The following CACNA1D variants were observed in gnomAD, a reference collection of about 807,000 sequenced individuals.
CACNA1D encodes calcium voltage-gated channel subunit alpha1 D, also known as voltage-dependent L-type calcium channel subunit alpha-1D.
CACNA1D carries 55 observed loss-of-function variants against 257.1 expected under a neutral mutation model. That is an observed-to-expected ratio of 0.21 (90% CI 0.17 to 0.27). CACNA1D has a LOEUF of 0.27. Ranked by LOEUF, CACNA1D falls within the 10% of genes least tolerant of loss-of-function variation. The pLI, the probability that CACNA1D is intolerant of heterozygous loss-of-function variation, is 1.00. For synonymous variants in CACNA1D, 980 were observed against 1,014.9 expected, an observed-to-expected ratio of 0.97 and a Z score of 0.65; for missense variants, 1,876 against 2,784.0, an observed-to-expected ratio of 0.67 and a Z score of 7.34.
intron 3 of CACNA1D, among the ~76,000 whole-genome samples, chr3:53,628,530 A>G (rs2093785738): frequency 6.6e-6 from 1 of 152,208 alleles, no homozygotes; most frequent in Non-Finnish European, 1.5e-5. Context: ...TGGGTTTTTT[A>G]TAGTCTTGTA....
intron 4 of CACNA1D, among the ~76,000 whole-genome samples, chr3:53,659,365 G>C (rs1361305208): frequency 1.3e-5 from 2 of 152,178 alleles, no homozygotes; most frequent in Non-Finnish European, 2.9e-5. Context: ...TAGTATCTGT[G>C]ATTTACATCC....
At chr3:53,784,169 G>A (rs2095440836) in intron 39 of CACNA1D, among the ~76,000 whole-genome samples, 1 of 152,192 alleles carries the variant, frequency 6.6e-6, no homozygotes, top group African/African-American at 2.4e-5. Flanking sequence ...CATCAGTGCT[G>A]AGCCGCCTCA....
intron 3 of CACNA1D, among the ~76,000 whole-genome samples, chr3:53,502,657 A>G (rs2090656912): frequency 6.6e-6 from 1 of 152,054 alleles, no homozygotes; most frequent in Admixed American, 6.5e-5. Flanking sequence ...ACCTTTCTGC[A>G]TTGCTGTGCA....
intron 2 of CACNA1D, among the ~76,000 whole-genome samples, chr3:53,501,148 C>A (rs569576705): frequency 2.0e-5 from 3 of 152,278 alleles, no homozygotes; most frequent in Admixed American, 6.5e-5. Flanking sequence ...TTAGGCTGAC[C>A]CTGCCAAGAA....
chr3:53,735,166 C>T (rs1003115176), intron 19 of CACNA1D, among the ~76,000 whole-genome samples: 1 of 152,238 alleles, frequency 6.6e-6, no homozygotes, highest in Non-Finnish European at 1.5e-5. Context: ...ACAGAGGTGA[C>T]ACACCACCCA....
At chr3:53,534,002 T>A (rs1363891547) in intron 3 of CACNA1D, among the ~76,000 whole-genome samples, 1 of 152,152 alleles carries the variant, frequency 6.6e-6, no homozygotes, top group Non-Finnish European at 1.5e-5. Context: ...GTAGTGGGTG[T>A]ATGCAGCTGT....
At chr3:53,504,230 T>C (rs2090728388) in intron 3 of CACNA1D, among the ~76,000 whole-genome samples, 1 of 152,132 alleles carries the variant, frequency 6.6e-6, no homozygotes, top group South Asian at 2.1e-4. Context: ...CAAGGCTGCA[T>C]GTATCTGGAA....
At chr3:53,744,235 G>C (rs558225629) in intron 22 of CACNA1D, among the ~76,000 whole-genome samples, 2 of 77,972 alleles carry the variant, frequency 2.6e-5, no homozygotes, top group South Asian at 7.6e-4. Flanking sequence ...GGCTCCCCCT[G>C]CCCCACCCCC....
chr3:53,666,054 T>A (rs752914535), intron 6 of CACNA1D, among the ~76,000 whole-genome samples: 4 of 151,770 alleles, frequency 2.6e-5, no homozygotes, highest in Non-Finnish European at 5.9e-5. Flanking sequence ...ACCTCCAAAG[T>A]AAAAACATGA....
rs77683342 is a variant in CACNA1D, at chr3:53,662,118, T to G, written c.766+1843T>G. ...GTTGTTAAAAATGTCCAGGAATGTT[T>G]GACTGTTTACACTTATCTTGGAATT... On this transcript the variant is annotated intron_variant, in intron 5 of 47. Transcript: ENST00000350061. 3.7e-3 allele frequency among the ~76,000 whole-genome samples: 557 copies of G among 152,342 alleles called. 2 individuals carry two copies. The highest frequency in any genetic ancestry group is 6.2e-3 in the Non-Finnish European group (423 of 68,012).
At chr3:53,773,405 A>G (rs1243812863) in intron 33 of CACNA1D, 1 of 187,358 alleles carries the variant, frequency 5.3e-6, no homozygotes, top group East Asian at 1.4e-4. Context: ...CCTCCTGGGC[A>G]TGGGAAAGGG....
At chr3:53,593,587 G>A (rs949782837) in intron 3 of CACNA1D, among the ~76,000 whole-genome samples, 3 of 152,116 alleles carry the variant, frequency 2.0e-5, no homozygotes, top group African/African-American at 4.8e-5. Context: ...CTGTATATGA[G>A]GGTGTCTGAG....
chr3:53,762,045 C>T lies in CACNA1D; in HGVS notation c.3834C>T (p.Ile1278=), dbSNP rs759429024. The stretch of plus-strand genomic sequence containing the variant: ...ACACGTTTGACTCCCTCATCGTAAT[C>T]GGCAGCATTATAGACGTGGCCCTCA... ...AWNTFDSLIV[I]GSIIDVALSE... is the part of the protein sequence containing the mutation. The change falls in exon 30 of 48, where the codon ATC becomes ATT. Residue 1278 remains isoleucine, a synonymous_variant. Coordinates refer to ENST00000350061, the MANE Select transcript of CACNA1D (RefSeq NM_001128840.3). 2.9e-5 allele frequency: 46 copies of T among 1,613,690 alleles called. No individual in the cohort carries two copies. The highest frequency in any genetic ancestry group is 1.6e-4 in the Middle Eastern group (1 of 6,082).
At chr3:53,762,838 G>T in intron 30 of CACNA1D, among the ~76,000 whole-genome samples, 1 of 152,224 alleles carries the variant, frequency 6.6e-6, no homozygotes, top group Admixed American at 6.5e-5. Context: ...GGAAGTCTAT[G>T]TAGAATTGCC....
intron 45 of CACNA1D, 62 bp downstream of exon 45, chr3:53,805,208 C>A (rs1405206023): frequency 6.7e-6 from 10 of 1,503,120 alleles, no homozygotes; most frequent in Non-Finnish European, 9.2e-6. Flanking sequence ...TCTCCCCCAA[C>A]CCCCGCTCTG....
intron 3 of CACNA1D, among the ~76,000 whole-genome samples, chr3:53,592,708 GT>G (rs111929661): frequency 1.6e-3 from 231 of 144,016 alleles, no homozygotes; most frequent in Non-Finnish European, 2.0e-3. Context: ...CCCTAGTTCT[GT>G]TTTTTTTTTT....
intron 9 of CACNA1D, among the ~76,000 whole-genome samples, chr3:53,714,407 G>A (rs886302193): frequency 5.9e-5 from 9 of 152,170 alleles, no homozygotes; most frequent in East Asian, 3.9e-4. Flanking sequence ...CCATGTATTC[G>A]GGTAATTTGC....
intron 3 of CACNA1D, among the ~76,000 whole-genome samples, chr3:53,538,123 T>C (rs1296483498): frequency 5.3e-5 from 8 of 151,080 alleles, no homozygotes; most frequent in South Asian, 4.2e-4. Flanking sequence ...TTTTTCTCCA[T>C]ATTTACCAGT....
intron 3 of CACNA1D, among the ~76,000 whole-genome samples, chr3:53,507,523 TGGG>T (rs1048919824): frequency 6.7e-6 from 1 of 149,726 alleles, no homozygotes; most frequent in Non-Finnish European, 1.5e-5. Context: ...GAGGCTGAGG[TGGG>T]GGGATTGCTT....
Sources: gnomAD v4.1 joint callset for allele counts (sites outside exome capture counted in the v4.1 genomes callset) on GRCh38, gnomAD v4.1.1 for gene constraint, MANE v1.5 for transcripts, NCBI Gene and HGNC (gene_info 2026-07-23, HGNC 2026-07-21) for gene names.